The following TMEM117 variants were observed in gnomAD, a reference collection of about 807,000 sequenced individuals.
TMEM117 encodes transmembrane protein 117.
In TMEM117, 27 loss-of-function variants were observed where a neutral mutation model predicts 52.4. The ratio of observed to expected loss-of-function variants is 0.51; its 90% CI spans 0.38 to 0.71. The LOEUF (loss-of-function observed/expected upper bound fraction) is 0.71, where lower values mean the gene tolerates loss of function less well. TMEM117 is among the 30% of genes least tolerant of loss of function. The pLI is 0.00. For synonymous variants in TMEM117, 215 were observed against 206.3 expected, an observed-to-expected ratio of 1.04 and a Z score of -0.36; for missense variants, 556 against 630.5, an observed-to-expected ratio of 0.88 and a Z score of 1.26.
the TMEM117 span, chr12:43,796,907 A>G: frequency 6.9e-7 from 1 of 1,457,234 alleles, no homozygotes; most frequent in African/African-American, 1.4e-5. Flanking sequence ...ATCACAGTAC[A>G]TCATAAACTA....
At chr12:43,852,116 G>A (rs942863417) in intron 2 of TMEM117, among the ~76,000 whole-genome samples, 1 of 150,494 alleles carries the variant, frequency 6.6e-6, no homozygotes, top group African/African-American at 2.4e-5. Context: ...GGCCAACATG[G>A]TGAAACCCTG....
chr12:43,865,242 G>C (rs1943569592), intron 2 of TMEM117, among the ~76,000 whole-genome samples: 1 of 152,196 alleles, frequency 6.6e-6, no homozygotes, highest in Non-Finnish European at 1.5e-5. Context: ...CTGCAGTAAA[G>C]ACAGAGTTTG....
Position 44,090,397 on chromosome 12 carries a change from TTTTTATTTATTTA to T in TMEM117, c.411-53124_411-53112del, listed in dbSNP as rs1243841005. Reference sequence around the variant, plus strand: ...AGGGCCCCTTTTATTTTTATCTTACTTTTTATTTATTTATTTATTTATTTATTTATTTATTTAT... The same window carrying T: ...AGGGCCCCTTTTATTTTTATCTTACTTTTATTTATTTATTTATTTATTTAT... On this transcript the variant is annotated intron_variant, in intron 3 of 7. Coordinates refer to ENST00000266534, the MANE Select transcript of TMEM117 (RefSeq NM_032256.3). Among the ~76,000 whole-genome samples the T allele has an allele frequency of 4.4e-4, 49 of 111,866 alleles. No individual in the cohort carries two copies. In the East Asian group the frequency reaches 6.2e-3, roughly 14 times the overall value. 73.4% of individuals were successfully genotyped at this position (111,866 alleles called of 152,430 possible).
chr12:44,180,179 C>A (rs919512432), intron 4 of TMEM117, among the ~76,000 whole-genome samples: 1 of 152,036 alleles, frequency 6.6e-6, no homozygotes, highest in South Asian at 2.1e-4. Flanking sequence ...GGTGAGAGCA[C>A]ACATTTATGG....
intron 6 of TMEM117, among the ~76,000 whole-genome samples, chr12:44,328,420 G>T (rs1951223917): frequency 6.6e-6 from 1 of 152,052 alleles, no homozygotes; most frequent in African/African-American, 2.4e-5. Flanking sequence ...TTCTGTGTAG[G>T]GGTTGAAGAT....
chr12:44,094,949 G>C (rs184453727), intron 3 of TMEM117, among the ~76,000 whole-genome samples: 1 of 152,068 alleles, frequency 6.6e-6, no homozygotes, highest in Admixed American at 6.6e-5. Context: ...TCATACGTAT[G>C]TACCGTCATA....
chr12:44,152,620 ATAT>A (rs1948763466), intron 4 of TMEM117, among the ~76,000 whole-genome samples: 1 of 126,952 alleles, frequency 7.9e-6, no homozygotes, highest in South Asian at 2.3e-4. Flanking sequence ...TATATACATA[ATAT>A]TTATATCATA....
intron 6 of TMEM117, among the ~76,000 whole-genome samples, chr12:44,344,532 G>C (rs1164082537): frequency 6.6e-6 from 1 of 152,050 alleles, no homozygotes; most frequent in Non-Finnish European, 1.5e-5. Flanking sequence ...GGTCACGCAA[G>C]GAGGTGATGC....
At chr12:44,154,148 T>G (rs1221239424) in intron 4 of TMEM117, among the ~76,000 whole-genome samples, 2 of 152,106 alleles carry the variant, frequency 1.3e-5, no homozygotes, top group African/African-American at 2.4e-5. Flanking sequence ...AAGTAGCTTT[T>G]GGAACATGAT....
intron 4 of TMEM117, among the ~76,000 whole-genome samples, chr12:44,210,668 A>C (rs561657478): frequency 2.6e-5 from 4 of 152,168 alleles, no homozygotes; most frequent in South Asian, 4.1e-4. Context: ...CAAGTTTTCT[A>C]TAAGTGGGAG....
intron 7 of TMEM117, among the ~76,000 whole-genome samples, chr12:44,378,779 G>A (rs1951978137): frequency 6.6e-6 from 1 of 152,162 alleles, no homozygotes; most frequent in African/African-American, 2.4e-5. Context: ...CATTACTAAT[G>A]TTTTGATCCA....
chr12:43,905,124 CAA>C (rs1021038231), intron 2 of TMEM117, among the ~76,000 whole-genome samples: 1 of 149,190 alleles, frequency 6.7e-6, no homozygotes, highest in African/African-American at 2.5e-5. Flanking sequence ...CCCTGGGCAA[CAA>C]GAGCAAAACT....
chr12:43,912,723 T>C (rs1228376375), intron 2 of TMEM117, among the ~76,000 whole-genome samples: 1 of 152,014 alleles, frequency 6.6e-6, no homozygotes, highest in Non-Finnish European at 1.5e-5. Flanking sequence ...ACTGATGTTT[T>C]TATTGGTGCT....
intron 3 of TMEM117, among the ~76,000 whole-genome samples, chr12:44,070,180 C>T (rs967524905): frequency 6.6e-5 from 10 of 152,276 alleles, no homozygotes; most frequent in Middle Eastern, 3.4e-3. Flanking sequence ...CGTGAGCCAC[C>T]GCACCTGGTC....
At chr12:44,331,812 C>T (rs1343296304) in intron 6 of TMEM117, among the ~76,000 whole-genome samples, 3 of 152,024 alleles carry the variant, frequency 2.0e-5, no homozygotes, top group African/African-American at 7.2e-5. Context: ...GAATCCATGC[C>T]TGCTACTAGC....
At chr12:44,152,315 TATC>T (rs1449269743) in intron 4 of TMEM117, among the ~76,000 whole-genome samples, 32 of 107,910 alleles carry the variant, frequency 3.0e-4, no homozygotes, top group African/African-American at 9.1e-4. Context: ...TATATAATCA[TATC>T]ATATAAATAT....
At chr12:44,225,251 A>G (rs1452930757) in intron 5 of TMEM117, among the ~76,000 whole-genome samples, 2 of 152,206 alleles carry the variant, frequency 1.3e-5, no homozygotes, top group African/African-American at 4.8e-5. Context: ...ATTCTCTTGT[A>G]ATATACCATG....
chr12:44,248,803 C>A, intron 5 of TMEM117: 1 of 171,650 alleles, frequency 5.8e-6, no homozygotes, highest in South Asian at 1.7e-4. Flanking sequence ...ATATCTTTGT[C>A]AGAGAGCTTC....
At chr12:43,842,180 A>ATT (rs5797878) in intron 1 of TMEM117, among the ~76,000 whole-genome samples, 1 of 151,946 alleles carries the variant, frequency 6.6e-6, no homozygotes, top group East Asian at 1.9e-4. Flanking sequence ...ATAAAAGTTC[A>ATT]TTTTTTTTGT....
Sources: allele counts gnomAD v4.1 joint callset (sites outside exome capture counted in the v4.1 genomes callset), GRCh38; gene constraint gnomAD v4.1.1; transcripts MANE v1.5; gene names NCBI Gene and HGNC (gene_info 2026-07-23, HGNC 2026-07-21).